ACTR3C: variants seen among roughly 807,000 people sequenced by gnomAD.
The protein encoded by ACTR3C is actin-related protein 3C.
ACTR3C carries 18 observed loss-of-function variants against 26.3 expected under a neutral mutation model. The observed-to-expected ratio is 0.68, with a 90% CI of 0.47 to 1.01. ACTR3C has a LOEUF of 1.01. Among genes scored for constraint, ACTR3C ranks in the 50% least tolerant of loss-of-function variants. The probability of loss-of-function intolerance (pLI) is 0.00; values close to 1 mark genes in which losing one functional copy is unlikely to be tolerated. For missense variants in ACTR3C, 184 were observed against 250.7 expected, an observed-to-expected ratio of 0.73 and a Z score of 1.80; for synonymous variants, 55 against 94.5, an observed-to-expected ratio of 0.58 and a Z score of 2.42.
the ACTR3C span, among the ~76,000 whole-genome samples, chr7:150,090,665 G>A: frequency 6.7e-6 from 1 of 148,394 alleles, no homozygotes; most frequent in Non-Finnish European, 1.5e-5. Flanking sequence ...ACTAGTCTCA[G>A]CTGTATCTAC....
At chr7:150,285,315 A>T (rs1367862149) in intron 5 of ACTR3C, among the ~76,000 whole-genome samples, 1 of 152,210 alleles carries the variant, frequency 6.6e-6, no homozygotes, top group Non-Finnish European at 1.5e-5. Flanking sequence ...TTGTTTAATG[A>T]GAAGGGTTTG....
the ACTR3C span, among the ~76,000 whole-genome samples, chr7:150,079,617 T>C: frequency 6.6e-6 from 1 of 152,180 alleles, no homozygotes; most frequent in African/African-American, 2.4e-5. Flanking sequence ...TCTTCCTCTC[T>C]GCCTGGCGTT....
the ACTR3C span, among the ~76,000 whole-genome samples, chr7:150,108,153 G>C: frequency 1.3e-5 from 2 of 150,490 alleles, no homozygotes; most frequent in Non-Finnish European, 3.0e-5. Flanking sequence ...CCAGGGGACT[G>C]TTCCAATCAT....
At chr7:150,006,133 A>T in the ACTR3C span, among the ~76,000 whole-genome samples, 14 of 151,604 alleles carry the variant, frequency 9.2e-5, no homozygotes. Flanking sequence ...AGGTTGGCTC[A>T]GTTCTTCTGG....
the ACTR3C span, among the ~76,000 whole-genome samples, chr7:150,169,109 C>T: frequency 8.0e-5 from 12 of 150,484 alleles, no homozygotes; most frequent in African/African-American, 2.3e-4. Context: ...GGGCTGGGCA[C>T]GGTGGCTCAC....
chr7:150,199,725 CAAAA>C, the ACTR3C span, among the ~76,000 whole-genome samples: 3 of 86,072 alleles, frequency 3.5e-5, no homozygotes, highest in African/African-American at 1.5e-4. Flanking sequence ...ATATTTTTAT[CAAAA>C]AAAAAAAAAA....
chr7:150,082,778 G>A, the ACTR3C span, among the ~76,000 whole-genome samples: 5 of 151,814 alleles, frequency 3.3e-5, no homozygotes, highest in East Asian at 3.9e-4. Flanking sequence ...TTGTATTTAC[G>A]AATTCCTTAT....
chr7:150,161,576 G>T, the ACTR3C span, among the ~76,000 whole-genome samples: 1 of 152,178 alleles, frequency 6.6e-6, no homozygotes, highest in Non-Finnish European at 1.5e-5. Flanking sequence ...GTATTCCATG[G>T]TGCATGTGTG....
chr7:149,956,092 C>T, the ACTR3C span, among the ~76,000 whole-genome samples: 14 of 152,162 alleles, frequency 9.2e-5, no homozygotes, highest in Admixed American at 9.2e-4. Context: ...GGTTTTGAGG[C>T]AATTCGCCAA....
chr7:149,913,679 C>T, the ACTR3C span, among the ~76,000 whole-genome samples: 7 of 149,976 alleles, frequency 4.7e-5, no homozygotes, highest in Admixed American at 2.0e-4. Flanking sequence ...CTCGCTCACC[C>T]GCATGGTTCT....
chr7:150,214,623 T>C, the ACTR3C span, among the ~76,000 whole-genome samples: 2 of 151,902 alleles, frequency 1.3e-5, no homozygotes. Context: ...AAATTAAGAA[T>C]AGGACCGAAA....
At chr7:150,244,411 T>C (rs1277744686), downstream of ACTR3C, 1 of 151,806 alleles carries the variant, frequency 6.6e-6, no homozygotes, top group African/African-American at 2.4e-5. Context: ...TTTGTGGAAC[T>C]GTAAAATAAC....
intron 6 of ACTR3C, among the ~76,000 whole-genome samples, chr7:150,273,922 G>T (rs545493726): frequency 1.3e-5 from 2 of 152,206 alleles, no homozygotes; most frequent in South Asian, 4.2e-4. Flanking sequence ...ATAGCCTGCC[G>T]TGCATCTCGT....
At chr7:150,264,377 T>C (rs1231611960) in intron 6 of ACTR3C, among the ~76,000 whole-genome samples, 1 of 152,180 alleles carries the variant, frequency 6.6e-6, no homozygotes, top group African/African-American at 2.4e-5. Context: ...AAGACAACAC[T>C]GCATGAATAC....
the ACTR3C span, among the ~76,000 whole-genome samples, chr7:149,929,971 A>G: frequency 6.6e-6 from 1 of 152,232 alleles, no homozygotes; most frequent in South Asian, 2.1e-4. Context: ...GGGATGCACT[A>G]AGAAGGATCA....
chr7:150,181,131 T>TAAGTCA, the ACTR3C span, among the ~76,000 whole-genome samples: 2 of 150,942 alleles, frequency 1.3e-5, no homozygotes, highest in African/African-American at 5.0e-5. Context: ...AGTCACGGTC[T>TAAGTCA]AAGTCAGCTC....
chr7:150,289,629 T>A, intron 3 of ACTR3C, 36 bp from the exon 4 acceptor site: 1 of 1,568,088 alleles, frequency 6.4e-7, no homozygotes, highest in Non-Finnish European at 8.7e-7. Context: ...GCTGTGTTAG[T>A]GATTTCGTGG....
At chr7:149,911,669 G>GC in the ACTR3C span, among the ~76,000 whole-genome samples, 2 of 140,024 alleles carry the variant, frequency 1.4e-5, no homozygotes. Flanking sequence ...ATGGGTTTCA[G>GC]AAAAAAAAAA....
chr7:150,107,495 C>G, the ACTR3C span, among the ~76,000 whole-genome samples: 1 of 151,950 alleles, frequency 6.6e-6, no homozygotes, highest in Non-Finnish European at 1.5e-5. Context: ...GAAATAGACA[C>G]TGATTCAGAT....
Sources: gnomAD v4.1 joint callset for allele counts (sites outside exome capture counted in the v4.1 genomes callset) on GRCh38, gnomAD v4.1.1 for gene constraint, MANE v1.5 for transcripts, NCBI Gene and HGNC (gene_info 2026-07-23, HGNC 2026-07-21) for gene names.